The following CPPED1 variants were observed in gnomAD, a reference collection of about 807,000 sequenced individuals.
CPPED1 encodes the protein serine/threonine-protein phosphatase CPPED1.
A neutral mutation model predicts 28.0 loss-of-function variants in CPPED1; 28 were observed. That is an observed-to-expected ratio of 1.00 (90% CI 0.74 to 1.37). CPPED1 has a LOEUF of 1.37. Among genes scored for constraint, CPPED1 ranks in the 40% most tolerant of loss-of-function variants. The pLI is 0.00. For synonymous variants in CPPED1, 198 were observed against 180.2 expected (o/e 1.10, Z -0.79); for missense variants, 504 against 416.5 (o/e 1.21, Z -1.83).
At chr16:12,731,237 T>C (rs1304451776) in intron 2 of CPPED1, among the ~76,000 whole-genome samples, 1 of 149,320 alleles carries the variant, frequency 6.7e-6, no homozygotes, top group Non-Finnish European at 1.5e-5. Context: ...CACTGCAAGC[T>C]CCACCCCCCG....
At chr16:12,711,547 T>C (rs2080079977) in intron 2 of CPPED1, among the ~76,000 whole-genome samples, 1 of 152,192 alleles carries the variant, frequency 6.6e-6, no homozygotes, top group Non-Finnish European at 1.5e-5. Context: ...AAGTTATCAA[T>C]ATACTCATGA....
intron 2 of CPPED1, among the ~76,000 whole-genome samples, chr16:12,724,512 A>G (rs1943066072): frequency 6.6e-6 from 1 of 152,018 alleles, no homozygotes; most frequent in Non-Finnish European, 1.5e-5. Context: ...TTCCAATCAC[A>G]AACGGCTTAC....
At chr16:12,786,457 T>C (rs2080563661) in intron 1 of CPPED1, among the ~76,000 whole-genome samples, 1 of 152,208 alleles carries the variant, frequency 6.6e-6, no homozygotes, top group Non-Finnish European at 1.5e-5. Context: ...ATATTTTTTA[T>C]TTTGTTTTGG....
intron 2 of CPPED1, among the ~76,000 whole-genome samples, chr16:12,778,277 C>CTTTTTTTTTTT (rs371883790): frequency 2.6e-5 from 3 of 116,162 alleles, no homozygotes; most frequent in African/African-American, 3.4e-5. Flanking sequence ...TTCTTTCTTT[C>CTTTTTTTTTTT]TTTTTTTTTT....
chr16:12,789,327 C>A lies in CPPED1; in HGVS notation c.71-7924G>T, dbSNP rs1596486238. 2.0e-5 allele frequency among the ~76,000 whole-genome samples: 3 copies of A among 152,094 alleles called. No homozygotes were observed. The South Asian group carries it at 6.2e-4, about 32-fold the overall frequency. On this transcript the variant is annotated intron_variant, in intron 1 of 3. Transcript: ENST00000381774. Reference sequence around the variant, plus strand: ...TTGCTTAGAGGTGAGGAAGAGGAGACCCAGCAAAGGAAAATACATTGACTG... The same window carrying A: ...TTGCTTAGAGGTGAGGAAGAGGAGAACCAGCAAAGGAAAATACATTGACTG...
intron 2 of CPPED1, among the ~76,000 whole-genome samples, chr16:12,731,083 G>A (rs112577250): frequency 9.9e-4 from 150 of 152,066 alleles, no homozygotes; most frequent in African/African-American, 3.4e-3. Flanking sequence ...CAAGGTGGGA[G>A]GATCACTTGA....
intron 3 of CPPED1, among the ~76,000 whole-genome samples, chr16:12,694,734 G>GT (rs2079980524): frequency 8.2e-6 from 1 of 121,354 alleles, no homozygotes; most frequent in Non-Finnish European, 1.7e-5. Context: ...AAAAAGGTGG[G>GT]GGGGGGGGCG....
chr16:12,677,717 T>C (rs1438153771), intron 3 of CPPED1, among the ~76,000 whole-genome samples: 2 of 152,198 alleles, frequency 1.3e-5, no homozygotes, highest in Non-Finnish European at 2.9e-5. Flanking sequence ...ATCCCATCAC[T>C]TCCGGCTTCA....
intron 2 of CPPED1, among the ~76,000 whole-genome samples, chr16:12,722,486 C>G (rs1323144581): frequency 6.6e-6 from 1 of 152,176 alleles, no homozygotes; most frequent in Non-Finnish European, 1.5e-5. Context: ...GCCTGTAATC[C>G]CAGCACTTTG....
chr16:12,782,550 T>TG (rs1213900738), intron 1 of CPPED1, among the ~76,000 whole-genome samples: 2 of 150,904 alleles, frequency 1.3e-5, no homozygotes, highest in African/African-American at 4.9e-5. Context: ...GAGGCTGTTT[T>TG]TTTTTTTTTT....
chr16:12,779,125 A>G (rs2080514795), intron 2 of CPPED1, among the ~76,000 whole-genome samples: 1 of 152,242 alleles, frequency 6.6e-6, no homozygotes, highest in Non-Finnish European at 1.5e-5. Context: ...GTAAACATCT[A>G]CGAGAACATG....
intron 3 of CPPED1, among the ~76,000 whole-genome samples, chr16:12,690,513 C>CAAGA (rs1202614623): frequency 6.9e-6 from 1 of 145,316 alleles, no homozygotes; most frequent in Admixed American, 7.0e-5. Context: ...GACTCCTTCT[C>CAAGA]AAGAAAGAAA....
intron 3 of CPPED1, among the ~76,000 whole-genome samples, chr16:12,668,000 A>G (rs1010096595): frequency 6.6e-6 from 1 of 152,216 alleles, no homozygotes; most frequent in Admixed American, 6.5e-5. Flanking sequence ...AAAACATTAT[A>G]AAGAAATGAT....
chr16:12,690,579 G>C lies in CPPED1; in HGVS notation c.715+14045C>G, dbSNP rs2079957127. On this transcript the variant is annotated intron_variant, in intron 3 of 3. Transcript: ENST00000381774. Reference sequence around the variant, plus strand: ...TGCCTGTAATCCAAGCACTTTGGGAGGCCGAGGTAGGTGGATTGCTTGAGC... The same window carrying C: ...TGCCTGTAATCCAAGCACTTTGGGACGCCGAGGTAGGTGGATTGCTTGAGC... Among the ~76,000 whole-genome samples, 6 of 151,664 alleles carry C rather than the reference G, an allele frequency of 4.0e-5. No homozygotes were observed. The South Asian group carries it at 1.3e-3, about 32-fold the overall frequency.
rs1180370161 is a variant in CPPED1, at chr16:12,704,902, C to G, written c.437G>C (p.Trp146Ser). The G allele has an allele frequency of 1.2e-6, 2 of 1,614,062 alleles. No individual in the cohort carries two copies. Among genetic ancestry groups the G allele is most frequent in the Non-Finnish European group, 1.7e-6 (2 of 1,180,044 alleles). Reference sequence around the variant, plus strand: ...CCAGAAGCTGAAGTAGTCATCTCCCCAAGTCCGGCAGAACTCCTCGACGGT... The same window carrying G: ...CCAGAAGCTGAAGTAGTCATCTCCCGAAGTCCGGCAGAACTCCTCGACGGT... ...AETVEEFCRT[W>S]GDDYFSFWVG... is the part of the protein sequence containing the mutation. Residue 146 changes from tryptophan (W) to serine (S), a missense_variant, in exon 3 of 4, where the codon TGG (tryptophan) becomes TCG (serine). Coordinates refer to ENST00000381774, the MANE Select transcript of CPPED1 (RefSeq NM_018340.3).
At chr16:12,693,671 G>A (rs1411837409) in intron 3 of CPPED1, among the ~76,000 whole-genome samples, 1 of 152,202 alleles carries the variant, frequency 6.6e-6, no homozygotes, top group Non-Finnish European at 1.5e-5. Context: ...GGCAAGTGCA[G>A]TAAATAAAAA....
chr16:12,762,402 T>G (rs563429952), intron 2 of CPPED1, among the ~76,000 whole-genome samples: 6 of 152,396 alleles, frequency 3.9e-5, no homozygotes, highest in Admixed American at 2.0e-4. Context: ...TGTTATCATC[T>G]GAATAAAGTG....
At chr16:12,747,333 G>A (rs2080296070) in intron 2 of CPPED1, among the ~76,000 whole-genome samples, 1 of 152,012 alleles carries the variant, frequency 6.6e-6, no homozygotes, top group Admixed American at 6.6e-5. Flanking sequence ...TCAGGAGGCT[G>A]AGGTAGGAGG....
chr16:12,686,241 A>ATATTTTTTTT (rs35644844), intron 3 of CPPED1, among the ~76,000 whole-genome samples: 2 of 106,898 alleles, frequency 1.9e-5, no homozygotes, highest in African/African-American at 8.2e-5. Flanking sequence ...ATATATATAT[A>ATATTTTTTTT]TTTTTTTTTT....
Sources: gnomAD v4.1 joint callset for allele counts (sites outside exome capture counted in the v4.1 genomes callset) on GRCh38, gnomAD v4.1.1 for gene constraint, MANE v1.5 for transcripts, NCBI Gene and HGNC (gene_info 2026-07-23, HGNC 2026-07-21) for gene names.